COG5: variants seen among roughly 807,000 people sequenced by gnomAD.
COG5 encodes component of oligomeric golgi complex 5.
In COG5, 86 loss-of-function variants were observed where a neutral mutation model predicts 110.4. That is an observed-to-expected ratio of 0.78 (90% CI 0.65 to 0.93). The LOEUF is 0.93. Ranked by LOEUF, COG5 falls within the 40% of genes least tolerant of loss-of-function variation. The probability of loss-of-function intolerance (pLI) is 0.00; values close to 1 mark genes in which losing one functional copy is unlikely to be tolerated. For missense variants in COG5, 1,077 were observed against 987.0 expected, an observed-to-expected ratio of 1.09 and a Z score of -1.22; for synonymous variants, 360 against 334.6, an observed-to-expected ratio of 1.08 and a Z score of -0.83.
rs77400029 is a variant in COG5, at chr7:107,373,728, A to G, written c.670-968T>C. On this transcript the variant is annotated intron_variant, in intron 7 of 21. Transcript: ENST00000297135. ...GGCTAAGTTAACGAACAAATTACCA[A>G]GCTAGAAGTTGAGACACTGACATAT... 4.6e-3 allele frequency among the ~76,000 whole-genome samples: 706 copies of G among 152,308 alleles called. 7 individuals carry two copies. The highest frequency in any genetic ancestry group is 0.016 in the African/African-American group (651 of 41,570).
In COG5 at chr7:107,543,609, C is replaced by A. The variant is rs553918173; in HGVS notation, c.417+4502G>T. On this transcript the variant is annotated intron_variant, in intron 5 of 21. Transcript: ENST00000297135. The stretch of plus-strand genomic sequence containing the variant: ...CCAAGATGTTAGGCTAGCCCTAGTG[C>A]CAGGTTAGCACTCAGACTTCCAGCA... Among the ~76,000 whole-genome samples the A allele has an allele frequency of 2.0e-5, 3 of 152,156 alleles. No individual in the cohort carries two copies. In the South Asian group the frequency reaches 6.2e-4, roughly 32 times the overall value.
At chr7:107,513,216 C>T (rs531215987) in intron 6 of COG5, among the ~76,000 whole-genome samples, 120 of 152,214 alleles carry the variant, frequency 7.9e-4, no homozygotes, top group African/African-American at 2.8e-3. Context: ...AAACAGACAA[C>T]CCCATCAAAA....
chr7:107,450,812 C>T (rs933619858), intron 6 of COG5, among the ~76,000 whole-genome samples: 10 of 152,152 alleles, frequency 6.6e-5, no homozygotes, highest in African/African-American at 1.7e-4. Context: ...TTCTTAATTG[C>T]GTCCACTGTT....
intron 14 of COG5, among the ~76,000 whole-genome samples, chr7:107,264,933 T>C (rs1319324602): frequency 6.6e-6 from 1 of 152,060 alleles, no homozygotes; most frequent in Non-Finnish European, 1.5e-5. Context: ...TGCAGCAGTT[T>C]GCTTTCACAA....
chr7:107,256,613 G>A, intron 16 of COG5, 119 bp downstream of exon 16: 1 of 691,264 alleles, frequency 1.4e-6, no homozygotes, highest in Non-Finnish European at 2.6e-6. Flanking sequence ...TTATCAACAT[G>A]CTACTTTTGT....
chr7:107,278,849 G>A (rs1323195344), intron 14 of COG5, among the ~76,000 whole-genome samples: 1 of 152,112 alleles, frequency 6.6e-6, no homozygotes, highest in Non-Finnish European at 1.5e-5. Flanking sequence ...AGAAAACCTA[G>A]GCAATACCAT....
At chr7:107,225,649 A>T (rs1800279454) in intron 19 of COG5, among the ~76,000 whole-genome samples, 1 of 152,176 alleles carries the variant, frequency 6.6e-6, no homozygotes, top group Non-Finnish European at 1.5e-5. Context: ...AGTAGCTGGG[A>T]CCACAGATGT....
At chr7:107,441,208 A>T (rs1794683696) in intron 6 of COG5, among the ~76,000 whole-genome samples, 1 of 144,280 alleles carries the variant, frequency 6.9e-6, no homozygotes. Context: ...GTGAGCCGAG[A>T]TCGCGCCACT....
intron 10 of COG5, among the ~76,000 whole-genome samples, chr7:107,355,407 TCTTATGTA>T (rs1812534955): frequency 2.6e-5 from 4 of 152,198 alleles, no homozygotes; most frequent in African/African-American, 9.6e-5. Context: ...CAAGCGCAAC[TCTTATGTA>T]TTTACCCAAA....
At chr7:107,466,500 T>C (rs746838245) in intron 6 of COG5, among the ~76,000 whole-genome samples, 14 of 152,212 alleles carry the variant, frequency 9.2e-5, no homozygotes, top group Non-Finnish European at 1.5e-4. Context: ...ATCTGTTAAG[T>C]GTATGCAATT....
intron 7 of COG5, among the ~76,000 whole-genome samples, chr7:107,393,388 C>T (rs1790764288): frequency 6.6e-6 from 1 of 152,194 alleles, no homozygotes; most frequent in Admixed American, 6.5e-5. Context: ...AAACAGTATA[C>T]TCCAAGAAGA....
chr7:107,541,761 T>C (rs976325879), intron 5 of COG5, among the ~76,000 whole-genome samples: 1 of 150,396 alleles, frequency 6.6e-6, no homozygotes, highest in African/African-American at 2.4e-5. Context: ...TGAAACCCTG[T>C]CTCTACTAAA....
At chr7:107,236,992 C>CT (rs1288031364) in intron 17 of COG5, among the ~76,000 whole-genome samples, 8 of 152,214 alleles carry the variant, frequency 5.3e-5, no homozygotes, top group Non-Finnish European at 1.2e-4. Flanking sequence ...GTGCTACTCT[C>CT]TGGCCTCTCA....
chr7:107,236,181 T>A (rs1801174641), intron 18 of COG5, among the ~76,000 whole-genome samples: 1 of 152,202 alleles, frequency 6.6e-6, no homozygotes, highest in Admixed American at 6.5e-5. Flanking sequence ...AAATGGGAAG[T>A]GCTGCTTTCC....
chr7:107,478,849 T>C (rs1417062627), intron 6 of COG5, among the ~76,000 whole-genome samples: 1 of 151,954 alleles, frequency 6.6e-6, no homozygotes, highest in African/African-American at 2.4e-5. Context: ...CTAAAATCAT[T>C]AGAAAACAGG....
At chr7:107,253,056 T>A (rs988268445) in intron 16 of COG5, 1 of 152,160 alleles carries the variant, frequency 6.6e-6, no homozygotes, top group Non-Finnish European at 1.5e-5. Flanking sequence ...ACCAGTTCTA[T>A]TCAACACTGT....
At chr7:107,284,707 C>G (rs1805484625) in intron 12 of COG5, among the ~76,000 whole-genome samples, 1 of 152,134 alleles carries the variant, frequency 6.6e-6, no homozygotes, top group South Asian at 2.1e-4. Context: ...ATAATTCATG[C>G]TGATTTTCAT....
intron 6 of COG5, among the ~76,000 whole-genome samples, chr7:107,451,317 A>T (rs183211846): frequency 3.8e-3 from 575 of 152,298 alleles, no homozygotes; most frequent in Non-Finnish European, 5.4e-3. Context: ...ATAAGGAAGA[A>T]GATGTAGAAG....
At chr7:107,472,748 T>C (rs895023749) in intron 6 of COG5, 5 of 151,972 alleles carry the variant, frequency 3.3e-5, no homozygotes, top group African/African-American at 1.2e-4. Flanking sequence ...AATAAAACTG[T>C]ATTCTAAAAC....
Sources: gnomAD v4.1 joint callset for allele counts (sites outside exome capture counted in the v4.1 genomes callset) on GRCh38, gnomAD v4.1.1 for gene constraint, MANE v1.5 for transcripts, NCBI Gene and HGNC (gene_info 2026-07-23, HGNC 2026-07-21) for gene names.